TJP3: variants seen among roughly 807,000 people sequenced by gnomAD.
TJP3 encodes the protein tight junction protein 3.
In TJP3, 85 loss-of-function variants were observed where a neutral mutation model predicts 104.2. That is an observed-to-expected ratio of 0.82 (90% CI 0.68 to 0.98). TJP3 has a LOEUF of 0.98. Ranked by LOEUF, TJP3 falls within the 50% of genes least tolerant of loss-of-function variation. The pLI is 0.00. For missense variants in TJP3, 1,367 were observed against 1,322.8 expected (o/e 1.03, Z -0.52); for synonymous variants, 550 against 550.6 (o/e 1.00, Z 0.02).
chr19:3,729,707 A>G (rs2036643106), intron 3 of TJP3, among the ~76,000 whole-genome samples: 2 of 148,184 alleles, frequency 1.3e-5, no homozygotes, highest in Non-Finnish European at 3.0e-5. Flanking sequence ...GTTTGAAACG[A>G]GGAGGTGGAG....
intron 19 of TJP3, among the ~76,000 whole-genome samples, chr19:3,749,934 TAGG>T (rs770359048): frequency 5.9e-4 from 90 of 152,256 alleles, no homozygotes; most frequent in Non-Finnish European, 9.3e-4. Flanking sequence ...GCTGACAGGC[TAGG>T]AGGTCTCAGC....
intron 20 of TJP3, 86 bp from the exon 21 acceptor site, chr19:3,750,496 G>C (rs2036978675): frequency 8.4e-7 from 1 of 1,191,752 alleles, no homozygotes; most frequent in South Asian, 1.4e-5. Context: ...CACACCCACT[G>C]TGCCTAGCAC....
intron 11 of TJP3, among the ~76,000 whole-genome samples, chr19:3,737,543 C>T: frequency 6.6e-6 from 1 of 152,074 alleles, no homozygotes; most frequent in East Asian, 1.9e-4. Flanking sequence ...CCTCATCATC[C>T]CCCCATCTCT....
chr19:3,725,042 C>T (rs1478994064), intron 1 of TJP3, among the ~76,000 whole-genome samples: 1 of 152,124 alleles, frequency 6.6e-6, no homozygotes, highest in Non-Finnish European at 1.5e-5. Context: ...GGGAGGATCG[C>T]TTGGGCCCAG....
Position 3,748,071 on chromosome 19 carries a change from AG to A in TJP3, c.2605del (p.Ala869ProfsTer25). ...GATCGTGGGAGAATCTCGGCTCATC[AG>A]GGGGCCCAGGTGCGTCGGACATGGG... ...PRDRGRISAH[Q>X]GAQVDSRHPQ... On this transcript the variant is annotated frameshift_variant, in exon 19 of 21. Transcript: ENST00000541714. LOFTEE classifies it high-confidence loss of function. The A allele has an allele frequency of 6.4e-7, 1 of 1,567,412 alleles. No homozygotes were observed. The highest frequency in any genetic ancestry group is 8.7e-7 in the Non-Finnish European group (1 of 1,155,932).
Position 3,750,624 on chromosome 19 carries a change from A to C in TJP3, c.2700A>C (p.Val900=), listed in dbSNP as rs1046271. ...REALKKKFMR[V]HDAESSDEDG... ...CCCTGAAGAAAAAGTTTATGCGAGT[A>C]CATGATGCGGAGTCCTCCGATGAAG... The change falls in exon 21 of 21, where the codon GTA becomes GTC. Residue 900 remains valine (V), a synonymous_variant. Transcript: ENST00000541714. 0.56 allele frequency: 898,494 copies of C among 1,606,152 alleles called. 252,776 individuals are homozygous for C. Among genetic ancestry groups the C allele is most frequent in the Admixed American group, 0.71 (41,690 of 58,908 alleles).
intron 3 of TJP3, 74 bp downstream of exon 3, chr19:3,728,787 TCA>T: frequency 2.7e-6 from 4 of 1,486,256 alleles, no homozygotes; most frequent in Non-Finnish European, 3.7e-6. Flanking sequence ...GCACAGTGAC[TCA>T]CACCCGTCAT....
Position 3,736,221 on chromosome 19 carries a change from G to C in TJP3, c.1184G>C (p.Arg395Pro), listed in dbSNP as rs770286356. ...CTCAAGGGCAAGAGCATCGGGCTGCGGCTGGCAGGGGGCAATGACGTGGGC... is the reference window on the plus strand; with the variant it reads ...CTCAAGGGCAAGAGCATCGGGCTGCCGCTGGCAGGGGGCAATGACGTGGGC... ...RFLKGKSIGL[R>P]LAGGNDVGIF... Residue 395 changes from arginine to proline, a missense_variant, in exon 11 of 21, where the codon CGG becomes CCG. Arg to Pro is a moderately radical substitution (Grantham distance 103). Coordinates refer to ENST00000541714, the MANE Select transcript of TJP3 (RefSeq NM_001267560.2). 1.0e-5 allele frequency: 16 copies of C among 1,594,516 alleles called. No homozygotes were observed. The highest frequency in any genetic ancestry group is 1.4e-5 in the Non-Finnish European group (16 of 1,170,508).
intron 1 of TJP3, among the ~76,000 whole-genome samples, chr19:3,714,816 G>C (rs2036462517): frequency 6.6e-6 from 1 of 151,998 alleles, no homozygotes. Flanking sequence ...TCCCAGGGAG[G>C]CCTCCAGAAC....
intron 1 of TJP3, among the ~76,000 whole-genome samples, chr19:3,721,100 C>T (rs2036537984): frequency 6.6e-6 from 1 of 152,002 alleles, no homozygotes; most frequent in Non-Finnish European, 1.5e-5. Flanking sequence ...AGACGTTTCA[C>T]CATGTTGGTC....
chr19:3,738,626 C>G lies in TJP3; in HGVS notation c.1356C>G (p.Gly452=). The G allele has an allele frequency of 6.2e-7, 1 of 1,613,812 alleles. No individual in the cohort carries two copies. Among genetic ancestry groups the G allele is most frequent in the South Asian group, 1.1e-5 (1 of 91,072 alleles). Reference sequence around the variant, plus strand: ...AGTTCCTGCTGGGGCTGCCACCAGGCGAGGAGATGGAGCTGGTGACGCAGA... The same window carrying G: ...AGTTCCTGCTGGGGCTGCCACCAGGGGAGGAGATGGAGCTGGTGACGCAGA... ...AVQFLLGLPP[G]EEMELVTQRK... The change falls in exon 12 of 21, where the codon GGC becomes GGG. Residue 452 remains glycine (G), a synonymous_variant. Transcript: ENST00000541714.
Position 3,722,377 on chromosome 19 carries a change from G to A in TJP3, c.-9-6047G>A, listed in dbSNP as rs2036549881. On this transcript the variant is annotated intron_variant, in intron 1 of 20. Coordinates refer to ENST00000541714, the MANE Select transcript of TJP3 (RefSeq NM_001267560.2). ...TTGCTGGGGGCGTGCAGCCGGCTGA[G>A]CTTGGGCGCCCGCGGTGGCACGGTG... 3.9e-5 allele frequency among the ~76,000 whole-genome samples: 6 copies of A among 152,154 alleles called. No individual in the cohort carries two copies. In the South Asian group the frequency reaches 1.2e-3, roughly 31 times the overall value.
chr19:3,746,971 T>C lies in TJP3; in HGVS notation c.2322+95T>C. On this transcript the variant is annotated intron_variant, in intron 18 of 20. Coordinates refer to ENST00000541714, the MANE Select transcript of TJP3 (RefSeq NM_001267560.2). The surrounding 1 kb of genome is among the most constrained non-coding windows in gnomAD (Gnocchi z 4.1). ...GGGGCCTCTGTCGGGAGTTAGGGCT[T>C]GGTCAGGGATCAGGACTGTGGCCAG... The C allele has an allele frequency of 3.3e-6, 4 of 1,227,330 alleles. No individual in the cohort carries two copies. The East Asian group carries it at 7.6e-5, about 23-fold the overall frequency. 76.0% of individuals were successfully genotyped at this position (1,227,330 alleles called of 1,614,324 possible).
At chr19:3,725,177 C>T (rs1200767171) in intron 1 of TJP3, among the ~76,000 whole-genome samples, 1 of 151,946 alleles carries the variant, frequency 6.6e-6, no homozygotes, top group Admixed American at 6.6e-5. Context: ...CAGGAGGATC[C>T]CTTGGGCCTG....
In TJP3 at chr19:3,730,326, C is replaced by G. The variant is rs1568382213; in HGVS notation, c.262-29C>G. Reference sequence around the variant, plus strand: ...AGCCTCCCCCAGCCCTTGCCTGTAGCTGACCCTTCCTGTCCCCTCCTCTAA... The same window carrying G: ...AGCCTCCCCCAGCCCTTGCCTGTAGGTGACCCTTCCTGTCCCCTCCTCTAA... On this transcript the variant is annotated intron_variant, in intron 4 of 20. Transcript: ENST00000541714. The surrounding 1 kb of genome is among the most constrained non-coding windows in gnomAD (Gnocchi z 7.3). 1.3e-6 allele frequency: 2 copies of G among 1,496,682 alleles called. No individual in the cohort carries two copies. The highest frequency in any genetic ancestry group is 8.9e-7 in the Non-Finnish European group (1 of 1,119,844). 92.7% of individuals were successfully genotyped at this position (1,496,682 alleles called of 1,614,324 possible). A position where few individuals can be genotyped will look rare whatever the true frequency, so the allele number is the denominator to read the frequency against.
chr19:3,718,085 A>G (rs1165278867), intron 1 of TJP3, among the ~76,000 whole-genome samples: 5 of 150,486 alleles, frequency 3.3e-5, no homozygotes, highest in Non-Finnish European at 5.9e-5. Context: ...ATGTGCCTGT[A>G]GTCCCAGCTA....
At position 3,738,647 on chromosome 19, in the gene TJP3, G is replaced by A. The variant is rs191871837; in HGVS notation, c.1377G>A (p.Thr459=). ...CAGGCGAGGAGATGGAGCTGGTGAC[G>A]CAGAGGAAGCAGGACAGTGAGTGCG... ...LPPGEEMELV[T]QRKQDIFWKM... The change falls in exon 12 of 21, where the codon ACG becomes ACA. Residue 459 remains threonine, a synonymous_variant. Transcript: ENST00000541714. 61 of 1,613,566 alleles carry A rather than the reference G, an allele frequency of 3.8e-5. No homozygotes were observed. Among genetic ancestry groups the A allele is most frequent in the Middle Eastern group, 3.4e-4 (2 of 5,864 alleles).
chr19:3,738,517 C>T (rs767970376), intron 11 of TJP3, 38 bp from the exon 12 acceptor site: 3 of 1,575,354 alleles, frequency 1.9e-6, no homozygotes, highest in Non-Finnish European at 1.7e-6. Context: ...CCAAGAGGTA[C>T]CAGAGCTTTT....
chr19:3,741,710 C>G (rs932924920), intron 14 of TJP3, among the ~76,000 whole-genome samples: 1 of 150,342 alleles, frequency 6.7e-6, no homozygotes, highest in Admixed American at 6.7e-5. Flanking sequence ...GGCTCACGCC[C>G]GTAATCTCAA....
Sources: allele counts gnomAD v4.1 joint callset (sites outside exome capture counted in the v4.1 genomes callset), GRCh38; gene constraint gnomAD v4.1.1; non-coding constraint Gnocchi (gnomAD v3.1); transcripts MANE v1.5; gene names NCBI Gene and HGNC (gene_info 2026-07-23, HGNC 2026-07-21).